The following CCDC144A variants were observed in gnomAD, a reference collection of about 807,000 sequenced individuals.
The protein encoded by CCDC144A is coiled-coil domain-containing protein 144A.
Under a neutral mutation model 143.8 loss-of-function variants are expected in CCDC144A, and 41 were observed. The ratio of observed to expected loss-of-function variants is 0.29; its 90% CI spans 0.22 to 0.37. CCDC144A has a LOEUF of 0.37. Among genes scored for constraint, CCDC144A ranks in the 10% least tolerant of loss-of-function variants. The probability of loss-of-function intolerance (pLI) is 1.00; values close to 1 mark genes in which losing one functional copy is unlikely to be tolerated. For synonymous variants in CCDC144A, 242 were observed against 517.9 expected, an observed-to-expected ratio of 0.47 and a Z score of 7.23; for missense variants, 637 against 1,488.8, an observed-to-expected ratio of 0.43 and a Z score of 9.41.
At chr17:16,691,898 C>T (rs1411223860) in intron 1 of CCDC144A, 9 of 152,072 alleles carry the variant, frequency 5.9e-5, no homozygotes, top group Non-Finnish European at 1.0e-4. Flanking sequence ...TTGAAGTGGT[C>T]CATATTTTGC....
chr17:16,755,816 C>T (rs1345718653), intron 12 of CCDC144A, among the ~76,000 whole-genome samples: 4 of 152,246 alleles, frequency 2.6e-5, no homozygotes, highest in African/African-American at 9.6e-5. Context: ...CCACCTTGGC[C>T]TCTCAAAGTG....
chr17:16,683,790 C>A, the CCDC144A span: 99 of 1,447,620 alleles, frequency 6.8e-5, no homozygotes, highest in African/African-American at 1.2e-3. Context: ...CACATGAAGC[C>A]GAGCGTGAAG....
intron 6 of CCDC144A, among the ~76,000 whole-genome samples, chr17:16,715,574 T>G (rs1912702651): frequency 6.6e-6 from 1 of 152,060 alleles, no homozygotes. Context: ...TAAAGAAAAT[T>G]AAAATATAAG....
intron 2 of CCDC144A, among the ~76,000 whole-genome samples, chr17:16,698,798 A>G (rs1035273883): frequency 3.3e-5 from 5 of 152,372 alleles, no homozygotes; most frequent in South Asian, 4.1e-4. Flanking sequence ...GTTTTGATTA[A>G]AAATAGTTTA....
intron 12 of CCDC144A, among the ~76,000 whole-genome samples, chr17:16,753,428 GTTTTTTTTTTTT>G: frequency 4.7e-4 from 27 of 57,352 alleles, no homozygotes; most frequent in East Asian, 1.7e-3. Flanking sequence ...GTGTTTTGTA[GTTTTTTTTTTTT>G]TTTTTTTTTT....
rs188929654 is a variant in CCDC144A, at chr17:16,747,973, G to A, written c.3372+12330G>A. Reference sequence around the variant, plus strand: ...GTACTATGTTGAATACATACGGTGAGAGTGGGCATCTTTGTCTTGTTCCAG... The same window carrying A: ...GTACTATGTTGAATACATACGGTGAAAGTGGGCATCTTTGTCTTGTTCCAG... On this transcript the variant is annotated intron_variant, in intron 12 of 16. Coordinates refer to ENST00000399273, the MANE Select transcript of CCDC144A (RefSeq NM_001382000.1). Among the ~76,000 whole-genome samples, 4 of 152,280 alleles carry A rather than the reference G, an allele frequency of 2.6e-5. No individual in the cohort carries two copies. The East Asian group carries it at 7.7e-4, about 29-fold the overall frequency.
At chr17:16,743,268 G>C (rs554476407) in intron 12 of CCDC144A, among the ~76,000 whole-genome samples, 1 of 151,434 alleles carries the variant, frequency 6.6e-6, no homozygotes, top group Non-Finnish European at 1.5e-5. Flanking sequence ...TTTTGTATAT[G>C]GTGAAAGATA....
chr17:16,756,228 A>G (rs573855777), intron 12 of CCDC144A, among the ~76,000 whole-genome samples: 2 of 152,136 alleles, frequency 1.3e-5, no homozygotes, highest in South Asian at 2.1e-4. Flanking sequence ...TATTTCTGCA[A>G]CTCCCAATAT....
intron 15 of CCDC144A, among the ~76,000 whole-genome samples, chr17:16,767,836 C>T (rs1408816294): frequency 1.3e-5 from 2 of 152,226 alleles, no homozygotes; most frequent in East Asian, 3.9e-4. Flanking sequence ...GCATTTATTG[C>T]ATCTCTCACC....
chr17:16,737,198 G>A (rs1441276190), intron 12 of CCDC144A, among the ~76,000 whole-genome samples: 19 of 120,482 alleles, frequency 1.6e-4, no homozygotes, highest in South Asian at 1.1e-3. Context: ...ACGGAGTCTC[G>A]CTCTGTCGCC....
chr17:16,718,832 GTTT>G, intron 6 of CCDC144A, among the ~76,000 whole-genome samples: 1 of 105,752 alleles, frequency 9.5e-6, no homozygotes, highest in Non-Finnish European at 1.9e-5. Flanking sequence ...ATTATAAAGT[GTTT>G]TTTTTTTTTT....
rs202144762 is a variant in CCDC144A, at chr17:16,759,168, G to A, written c.3373-2257G>A. ...ACAGATGCTCCTCAGATTAGGATGG[G>A]TTTATGTCTGGATGGCATTTGCATT... On this transcript the variant is annotated intron_variant, in intron 12 of 16. Coordinates refer to ENST00000399273, the MANE Select transcript of CCDC144A (RefSeq NM_001382000.1). Among the ~76,000 whole-genome samples, 28 of 152,230 alleles carry A rather than the reference G, an allele frequency of 1.8e-4. No homozygotes were observed. The East Asian group carries it at 5.0e-3, about 27-fold the overall frequency.
At chr17:16,731,036 G>C (rs1189599933) in intron 9 of CCDC144A, among the ~76,000 whole-genome samples, 1 of 151,282 alleles carries the variant, frequency 6.6e-6, no homozygotes, top group East Asian at 1.9e-4. Context: ...AAAATGGACA[G>C]TAATTGATGA....
At position 16,774,253 on chromosome 17, in the gene CCDC144A, T is replaced by TA. The variant is rs1356674074; in HGVS notation, c.*623dup. 1 of 150,932 alleles carries TA rather than the reference T, an allele frequency of 6.6e-6. No individual in the cohort carries two copies. Among genetic ancestry groups the TA allele is most frequent in the Non-Finnish European group, 1.5e-5 (1 of 68,014 alleles). 9.3% of individuals were successfully genotyped at this position (150,932 alleles called of 1,614,324 possible). A position where few individuals can be genotyped will look rare whatever the true frequency, so the allele number is the denominator to read the frequency against. ...TTTCCCCCTGTGGGCCATTTGAGAG[T>TA]AAATTGCTGACATTATGCCATCACA... On this transcript the variant is annotated 3_prime_UTR_variant, in exon 17 of 17. Transcript: ENST00000399273.
upstream of CCDC144A, among the ~76,000 whole-genome samples, chr17:16,688,529 G>T (rs573921366): frequency 8.5e-6 from 1 of 117,084 alleles, no homozygotes; most frequent in Non-Finnish European, 1.6e-5. Flanking sequence ...TAGCCCTGTC[G>T]CCAGGCTGGA....
intron 8 of CCDC144A, among the ~76,000 whole-genome samples, chr17:16,721,249 T>C (rs1341059687): frequency 1.3e-5 from 2 of 152,088 alleles, no homozygotes; most frequent in Non-Finnish European, 2.9e-5. Context: ...TACAATCGTG[T>C]GCACATTTGA....
At chr17:16,755,885 G>A (rs1915060482) in intron 12 of CCDC144A, among the ~76,000 whole-genome samples, 1 of 152,132 alleles carries the variant, frequency 6.6e-6, no homozygotes, top group Admixed American at 6.6e-5. Context: ...TTAAAGGATA[G>A]CTTTGCTAGG....
intron 11 of CCDC144A, among the ~76,000 whole-genome samples, chr17:16,734,458 T>TA: frequency 6.6e-6 from 1 of 152,304 alleles, no homozygotes; most frequent in East Asian, 1.9e-4. Flanking sequence ...CTGAGATGCT[T>TA]AAAAATTCTC....
upstream of CCDC144A, among the ~76,000 whole-genome samples, chr17:16,688,933 G>T (rs1002104121): frequency 6.6e-6 from 1 of 152,068 alleles, no homozygotes; most frequent in South Asian, 2.1e-4. Context: ...CCATCTCCTC[G>T]GCTGCAGCAT....
Sources: gnomAD v4.1 joint callset for allele counts (sites outside exome capture counted in the v4.1 genomes callset) on GRCh38, gnomAD v4.1.1 for gene constraint, MANE v1.5 for transcripts, NCBI Gene and HGNC (gene_info 2026-07-23, HGNC 2026-07-21) for gene names.